Variants in CIB1 observed in about 807,000 individuals in gnomAD.
CIB1 encodes the protein calcium and integrin-binding protein 1.
In CIB1, 19 loss-of-function variants were observed where a neutral mutation model predicts 25.0. The observed-to-expected ratio is 0.76, with a 90% CI of 0.53 to 1.12. The LOEUF (loss-of-function observed/expected upper bound fraction) is 1.12, where lower values mean the gene tolerates loss of function less well. Ranked by LOEUF, CIB1 falls within the 50% of genes most tolerant of loss-of-function variation. The pLI is 0.00. For synonymous variants in CIB1, 104 were observed against 98.5 expected, an observed-to-expected ratio of 1.06 and a Z score of -0.33; for missense variants, 236 against 242.6, an observed-to-expected ratio of 0.97 and a Z score of 0.18.
chr15:90,233,952 T>C (rs932065871), upstream of CIB1: 8 of 1,426,632 alleles, frequency 5.6e-6, no homozygotes, highest in East Asian at 1.3e-4. Flanking sequence ...ACTTCCGCCC[T>C]TGGGCCGCGT....
At chr15:90,231,623 G>C in intron 3 of CIB1, 116 bp from the exon 4 acceptor site, 4 of 1,226,598 alleles carry the variant, frequency 3.3e-6, no homozygotes, top group Non-Finnish European at 4.5e-6. Flanking sequence ...TCGTGGGGGT[G>C]AACAGTCAGT....
At chr15:90,263,175 A>C in the CIB1 span, 2 of 1,496,202 alleles carry the variant, frequency 1.3e-6, no homozygotes, top group Non-Finnish European at 1.8e-6. Flanking sequence ...CTCCCAGAGG[A>C]AAAGGGAACA....
upstream of CIB1, among the ~76,000 whole-genome samples, chr15:90,236,349 T>A (rs142164916): frequency 1.3e-3 from 203 of 152,258 alleles, 1 homozygote; most frequent in African/African-American, 4.8e-3. Context: ...AAGTATCTCT[T>A]TATAGTGAAG....
upstream of CIB1, among the ~76,000 whole-genome samples, chr15:90,237,529 C>T (rs1962661597): frequency 4.6e-5 from 7 of 152,180 alleles, no homozygotes; most frequent in South Asian, 2.1e-4. Flanking sequence ...CGTGATTCAC[C>T]TGCGTCAGCC....
the CIB1 span, among the ~76,000 whole-genome samples, chr15:90,247,538 G>A: frequency 6.6e-6 from 1 of 151,196 alleles, no homozygotes; most frequent in South Asian, 2.1e-4. Context: ...TTGGTGTTGA[G>A]GTTGACATAC....
At chr15:90,253,360 G>C in the CIB1 span, 29 of 1,611,786 alleles carry the variant, frequency 1.8e-5, 1 homozygote, top group Admixed American at 2.5e-4. Flanking sequence ...GACATGAAGA[G>C]GTTTCAGGTA....
chr15:90,231,302 C>T (rs1962482572), intron 4 of CIB1, 55 bp downstream of exon 4: 2 of 1,609,144 alleles, frequency 1.2e-6, no homozygotes, highest in South Asian at 1.1e-5. Flanking sequence ...GCAGGGCCAC[C>T]ACAAAGCCCA....
the CIB1 span, chr15:90,257,770 C>T: frequency 1.9e-6 from 3 of 1,574,880 alleles, no homozygotes; most frequent in Admixed American, 1.7e-5. Flanking sequence ...CTTAGCCCCA[C>T]AGTCCCAGTA....
At chr15:90,263,601 G>A in the CIB1 span, 1 of 579,148 alleles carries the variant, frequency 1.7e-6, no homozygotes. Context: ...TGGGTCTTCT[G>A]TTTTTGTTGA....
At chr15:90,249,187 C>A in the CIB1 span, among the ~76,000 whole-genome samples, 405 of 143,518 alleles carry the variant, frequency 2.8e-3, 6 homozygotes, top group Non-Finnish European at 1.5e-3. Context: ...TGCACTCCAG[C>A]CTGGGCGACA....
chr15:90,265,600 G>C, the CIB1 span: 8 of 1,437,354 alleles, frequency 5.6e-6, no homozygotes, highest in South Asian at 1.0e-4. Flanking sequence ...CAAGTGAAGC[G>C]GGAAATAACT....
upstream of CIB1, among the ~76,000 whole-genome samples, chr15:90,237,254 C>T (rs549731687): frequency 1.0e-4 from 15 of 149,668 alleles, no homozygotes; most frequent in Middle Eastern, 3.5e-3. Flanking sequence ...CCACCGTGCC[C>T]GGACTTTATT....
chr15:90,264,565 C>T, the CIB1 span, among the ~76,000 whole-genome samples: 7 of 152,172 alleles, frequency 4.6e-5, no homozygotes, highest in South Asian at 1.4e-3. Flanking sequence ...GACAAAAAGA[C>T]ATACCATACC....
At chr15:90,256,362 C>G in the CIB1 span, 3 of 1,599,552 alleles carry the variant, frequency 1.9e-6, no homozygotes, top group Admixed American at 5.1e-5. Context: ...TCATCTCTCC[C>G]AAAAGCCAGG....
intron 2 of CIB1, 59 bp downstream of exon 2, chr15:90,233,610 C>A: frequency 1.3e-6 from 2 of 1,544,582 alleles, no homozygotes; most frequent in Non-Finnish European, 1.8e-6. Flanking sequence ...GGGACAGCGC[C>A]CCCGAAGCTG....
the CIB1 span, chr15:90,257,528 C>A: frequency 2.8e-6 from 3 of 1,090,106 alleles, no homozygotes; most frequent in African/African-American, 1.5e-5. Context: ...TGGAGAGAGA[C>A]AGGAGACGAG....
At chr15:90,253,168 ACCT>A in the CIB1 span, 2 of 1,157,784 alleles carry the variant, frequency 1.7e-6, no homozygotes, top group South Asian at 2.7e-5. Context: ...TCAGGTGTAT[ACCT>A]TACCTGACCC....
the CIB1 span, chr15:90,258,882 T>C: frequency 4.3e-6 from 7 of 1,613,854 alleles, no homozygotes; most frequent in Admixed American, 1.2e-4. Flanking sequence ...AAGCGGCGAG[T>C]CAAGGAACGG....
chr15:90,236,522 A>T (rs1962639847), upstream of CIB1, among the ~76,000 whole-genome samples: 1 of 152,152 alleles, frequency 6.6e-6, no homozygotes, highest in South Asian at 2.1e-4. Context: ...GCCATTTGGC[A>T]TATTTCTCAT....
Sources: allele counts gnomAD v4.1 joint callset (sites outside exome capture counted in the v4.1 genomes callset), GRCh38; gene constraint gnomAD v4.1.1; transcripts MANE v1.5; gene names NCBI Gene and HGNC (gene_info 2026-07-23, HGNC 2026-07-21).